CACNA2D1: variants seen among roughly 807,000 people sequenced by gnomAD.
CACNA2D1 encodes voltage-dependent calcium channel subunit alpha-2/delta-1.
A neutral mutation model predicts 171.5 loss-of-function variants in CACNA2D1; 53 were observed. That is an observed-to-expected ratio of 0.31 (90% CI 0.25 to 0.39). The LOEUF is 0.39. Ranked by LOEUF, CACNA2D1 falls within the 10% of genes least tolerant of loss-of-function variation. The pLI is 1.00. For missense variants in CACNA2D1, 903 were observed against 1,299.8 expected, an observed-to-expected ratio of 0.69 and a Z score of 4.69; for synonymous variants, 442 against 443.1, an observed-to-expected ratio of 1.00 and a Z score of 0.03.
In CACNA2D1 at chr7:81,964,083, A is replaced by G. The variant is rs750793106; in HGVS notation, c.2753T>C (p.Ile918Thr). The change falls in exon 34 of 39, where the codon ATT becomes ACT. Residue 918 changes from isoleucine to threonine, a missense_variant. Ile to Thr is a moderately conservative substitution (Grantham distance 89). Around this residue, in one of 5 missense-constraint regions of CACNA2D1, gnomAD observed 623 missense variants for 925.5 expected, o/e 0.67. Transcript: ENST00000356860. The stretch of plus-strand genomic sequence containing the variant: ...GGCAGCAGCAGTGGCCCACCAGCCA[A>G]TTTGTAATATGTCTGCTACTGATGG... ...YVPSVADILQ[I>T]GWWATAAAWS... 6.2e-7 allele frequency: 1 copy of G among 1,612,244 alleles called. No individual in the cohort carries two copies. Among genetic ancestry groups the G allele is most frequent in the Non-Finnish European group, 8.5e-7 (1 of 1,178,932 alleles).
intron 3 of CACNA2D1, among the ~76,000 whole-genome samples, chr7:82,247,907 T>G (rs1442759259): frequency 6.6e-6 from 1 of 152,148 alleles, no homozygotes; most frequent in African/African-American, 2.4e-5. Flanking sequence ...ACAAAAACTT[T>G]AATATCTGAT....
At chr7:82,092,241 C>T (rs1811259011) in intron 6 of CACNA2D1, among the ~76,000 whole-genome samples, 1 of 152,122 alleles carries the variant, frequency 6.6e-6, no homozygotes, top group Non-Finnish European at 1.5e-5. Flanking sequence ...ATAAGATATT[C>T]TTCATTAGAA....
rs1481672136 is a variant in CACNA2D1, at chr7:82,007,764, T to C, written c.1363-8A>G. ...AATGACAAGTCCCAGTTCCTAAAAATAGATTCAGAGAGAAAGGGCAAATTA... is the reference window on the plus strand; with the variant it reads ...AATGACAAGTCCCAGTTCCTAAAAACAGATTCAGAGAGAAAGGGCAAATTA... On this transcript the variant is annotated splice_polypyrimidine_tract_variant and splice_region_variant and intron_variant, in intron 15 of 38. Transcript: ENST00000356860. The C allele has an allele frequency of 3.9e-6, 6 of 1,533,582 alleles. No individual in the cohort carries two copies. Among genetic ancestry groups the C allele is most frequent in the Non-Finnish European group, 5.4e-6 (6 of 1,107,114 alleles). The allele number at this position is 1,533,582 out of a possible 1,614,324, so 95.0% of individuals were successfully genotyped here. A position where few individuals can be genotyped will look rare whatever the true frequency, so the allele number is the denominator to read the frequency against.
intron 38 of CACNA2D1, among the ~76,000 whole-genome samples, chr7:81,954,102 A>C (rs767910600): frequency 6.6e-6 from 1 of 152,114 alleles, no homozygotes; most frequent in Admixed American, 6.6e-5. Context: ...TTCAAGTCTT[A>C]TTATGGCATA....
At chr7:82,002,131 T>G (rs532198013) in intron 18 of CACNA2D1, among the ~76,000 whole-genome samples, 1 of 151,906 alleles carries the variant, frequency 6.6e-6, no homozygotes, top group Non-Finnish European at 1.5e-5. Flanking sequence ...ATTCATATGT[T>G]GAAATCCTCA....
chr7:82,439,303 T>A (rs1558017), intron 1 of CACNA2D1, among the ~76,000 whole-genome samples: 4,188 of 152,110 alleles, frequency 0.028, 178 homozygotes, highest in African/African-American at 0.096. Context: ...TTTCCATATG[T>A]TATGTTTTTG....
chr7:82,298,573 T>C (rs1812580414), intron 3 of CACNA2D1, among the ~76,000 whole-genome samples: 1 of 148,976 alleles, frequency 6.7e-6, no homozygotes, highest in South Asian at 2.1e-4. Flanking sequence ...AGAGTGCAAA[T>C]GTCTTTTTTT....
chr7:81,948,532 T>C lies in CACNA2D1; in HGVS notation c.*1860A>G, dbSNP rs1342686113. The C allele has an allele frequency of 1.3e-5, 2 of 151,810 alleles. No individual in the cohort carries two copies. The allele number at this position is 151,810 out of a possible 1,614,324, so 9.4% of individuals were successfully genotyped here. A position where few individuals can be genotyped will look rare whatever the true frequency, so the allele number is the denominator to read the frequency against. On this transcript the variant is annotated 3_prime_UTR_variant, in exon 39 of 39. Coordinates refer to ENST00000356860, the MANE Select transcript of CACNA2D1 (RefSeq NM_000722.4). ...ATTGGTGGTGGGAGGGAATTACAAA[T>C]GTATGCAAAGCTAAAAACAAAACAA... is the stretch of plus-strand genomic sequence containing the variant.
rs1792260369 is a variant in CACNA2D1 at position 81,948,963 on chromosome 7, A to G, written c.*1429T>C. 1 of 152,000 alleles carries G rather than the reference A, an allele frequency of 6.6e-6. No individual in the cohort carries two copies. Among genetic ancestry groups the G allele is most frequent in the Non-Finnish European group, 1.5e-5 (1 of 67,918 alleles). The allele number at this position is 152,000 out of a possible 1,614,324, so 9.4% of individuals were successfully genotyped here. ...AAAACAACTTTTATTATTCACAATCAAGTATTCATGTGCATACATAGAGAT... is the reference window on the plus strand; with the variant it reads ...AAAACAACTTTTATTATTCACAATCGAGTATTCATGTGCATACATAGAGAT... On this transcript the variant is annotated 3_prime_UTR_variant, in exon 39 of 39. Transcript: ENST00000356860.
intron 2 of CACNA2D1, among the ~76,000 whole-genome samples, chr7:82,336,955 A>T (rs17156142): frequency 0.11 from 16,553 of 152,100 alleles, 1,663 homozygotes; most frequent in African/African-American, 0.26. Flanking sequence ...ATTAGTTCAG[A>T]TGTGCAATCT....
chr7:82,215,501 AAAAT>A (rs1438067865), intron 3 of CACNA2D1, among the ~76,000 whole-genome samples: 10 of 152,316 alleles, frequency 6.6e-5, no homozygotes, highest in African/African-American at 2.4e-4. Context: ...CCATTCCATG[AAAAT>A]AAATATGATT....
At chr7:82,379,178 T>C (rs1426847148) in intron 1 of CACNA2D1, among the ~76,000 whole-genome samples, 1 of 152,162 alleles carries the variant, frequency 6.6e-6, no homozygotes, top group Non-Finnish European at 1.5e-5. Context: ...GTTTCTCAAA[T>C]GTTTCCCCAA....
intron 3 of CACNA2D1, among the ~76,000 whole-genome samples, chr7:82,253,682 G>A (rs1805945978): frequency 6.6e-6 from 1 of 151,950 alleles, no homozygotes; most frequent in African/African-American, 2.4e-5. Context: ...TAAATGTCAT[G>A]GTCCTATATA....
intron 1 of CACNA2D1, among the ~76,000 whole-genome samples, chr7:82,382,688 C>T (rs1010324771): frequency 1.3e-5 from 2 of 152,170 alleles, no homozygotes; most frequent in East Asian, 3.9e-4. Context: ...GGACCACCTC[C>T]TCCATAATGC....
At chr7:82,049,118 G>GAAA (rs1804891128) in intron 10 of CACNA2D1, among the ~76,000 whole-genome samples, 1 of 98,592 alleles carries the variant, frequency 1.0e-5, no homozygotes. Context: ...TTATCTTCTG[G>GAAA]CAACTCATAA....
chr7:82,127,862 G>A (rs974606937), intron 5 of CACNA2D1, among the ~76,000 whole-genome samples: 7 of 152,092 alleles, frequency 4.6e-5, no homozygotes, highest in African/African-American at 7.2e-5. Flanking sequence ...ATCCTTCCAT[G>A]AGAATCACGG....
chr7:82,258,697 C>A (rs547535890), intron 3 of CACNA2D1, among the ~76,000 whole-genome samples: 13 of 152,144 alleles, frequency 8.5e-5, no homozygotes, highest in African/African-American at 2.9e-4. Context: ...GATGTTCTCC[C>A]TTTTTGGTCA....
intron 6 of CACNA2D1, among the ~76,000 whole-genome samples, chr7:82,085,531 A>G (rs1165066060): frequency 6.9e-6 from 1 of 143,984 alleles, no homozygotes; most frequent in Non-Finnish European, 1.6e-5. Context: ...TAAAAAAAAA[A>G]AAAAGAAAAA....
chr7:82,061,203 T>C (rs1362269190), intron 9 of CACNA2D1, among the ~76,000 whole-genome samples: 2 of 152,154 alleles, frequency 1.3e-5, no homozygotes. Flanking sequence ...CTTCCAAACA[T>C]ATTTTTCATT....
Sources: gnomAD v4.1 joint callset for allele counts (sites outside exome capture counted in the v4.1 genomes callset) on GRCh38, gnomAD v4.1.1 for gene constraint, gnomAD v4.1.1 regional missense constraint, MANE v1.5 for transcripts, NCBI Gene and HGNC (gene_info 2026-07-23, HGNC 2026-07-21) for gene names.